RBFOX1: variants seen among roughly 807,000 people sequenced by gnomAD.
RBFOX1 encodes RNA binding protein fox-1 homolog 1.
In RBFOX1, 8 loss-of-function variants were observed where a neutral mutation model predicts 57.7. The ratio of observed to expected loss-of-function variants is 0.14; its 90% CI spans 0.08 to 0.25. The LOEUF (loss-of-function observed/expected upper bound fraction) is 0.25, where lower values mean the gene tolerates loss of function less well. RBFOX1 is among the 10% of genes least tolerant of loss of function. RBFOX1 has a pLI of 1.00. For synonymous variants in RBFOX1, 326 were observed against 222.4 expected (o/e 1.47, Z -4.15); for missense variants, 611 against 548.5 (o/e 1.11, Z -1.14).
intron 1 of RBFOX1, among the ~76,000 whole-genome samples, chr16:5,425,904 C>T (rs1237555394): frequency 4.6e-5 from 7 of 152,154 alleles, no homozygotes; most frequent in African/African-American, 9.7e-5. Context: ...ATGTCTGCAG[C>T]GGTGTGTGCC....
intron 3 of RBFOX1, among the ~76,000 whole-genome samples, chr16:6,663,331 A>C (rs376430443): frequency 4.6e-5 from 7 of 152,208 alleles, no homozygotes; most frequent in African/African-American, 1.7e-4. Flanking sequence ...GGAGTTGATC[A>C]ACACTGACAA....
intron 4 of RBFOX1, among the ~76,000 whole-genome samples, chr16:7,316,985 C>G (rs1046410449): frequency 6.6e-6 from 1 of 150,872 alleles, no homozygotes; most frequent in African/African-American, 2.5e-5. Flanking sequence ...CACACACACA[C>G]AAACACACAC....
chr16:7,050,311 G>T (rs1400622791), intron 3 of RBFOX1, among the ~76,000 whole-genome samples: 1 of 121,214 alleles, frequency 8.2e-6, no homozygotes, highest in East Asian at 2.9e-4. Flanking sequence ...TGTTGCCCAG[G>T]ATGGAGTATA....
At chr16:5,998,266 T>A (rs921278317) in intron 4 of RBFOX1, among the ~76,000 whole-genome samples, 9 of 152,210 alleles carry the variant, frequency 5.9e-5, no homozygotes, top group African/African-American at 2.2e-4. Flanking sequence ...TAGATCTCTT[T>A]GATAGTCTCT....
intron 4 of RBFOX1, among the ~76,000 whole-genome samples, chr16:7,075,392 G>T (rs1223188584): frequency 6.6e-6 from 1 of 152,174 alleles, no homozygotes. Context: ...GTGTTGCCTT[G>T]TAACAGTGTT....
intron 1 of RBFOX1, among the ~76,000 whole-genome samples, chr16:6,061,536 A>G (rs532210906): frequency 6.6e-6 from 1 of 151,622 alleles, no homozygotes; most frequent in Non-Finnish European, 1.5e-5. Context: ...AAAATATATA[A>G]TGTAATTATT....
chr16:6,355,921 A>G (rs969886710), intron 2 of RBFOX1, among the ~76,000 whole-genome samples: 15 of 152,370 alleles, frequency 9.8e-5, no homozygotes, highest in Non-Finnish European at 1.8e-4. Flanking sequence ...CACAAAACAA[A>G]ATGGGTGTAG....
intron 1 of RBFOX1, among the ~76,000 whole-genome samples, chr16:5,340,941 G>A (rs1429136500): frequency 2.6e-5 from 4 of 152,156 alleles, no homozygotes; most frequent in Non-Finnish European, 5.9e-5. Context: ...CTGTAGAAAA[G>A]GGGTTCGGGG....
At chr16:5,560,637 C>A (rs958314303) in intron 2 of RBFOX1, among the ~76,000 whole-genome samples, 4 of 152,122 alleles carry the variant, frequency 2.6e-5, no homozygotes, top group African/African-American at 9.7e-5. Flanking sequence ...AATGATTTTT[C>A]ACCTTATGCT....
intron 3 of RBFOX1, among the ~76,000 whole-genome samples, chr16:6,688,750 T>C (rs148465804): frequency 0.078 from 11,857 of 152,204 alleles, 503 homozygotes; most frequent in African/African-American, 0.087. Context: ...CAACCCATCA[T>C]CTACATTAGG....
intron 3 of RBFOX1, among the ~76,000 whole-genome samples, chr16:6,813,452 G>C (rs994880960): frequency 6.6e-6 from 1 of 152,120 alleles, no homozygotes; most frequent in East Asian, 1.9e-4. Flanking sequence ...GGGGACCCCA[G>C]CTCCTTCTTA....
At chr16:5,390,262 T>C (rs1322227071) in intron 1 of RBFOX1, among the ~76,000 whole-genome samples, 5 of 149,862 alleles carry the variant, frequency 3.3e-5, no homozygotes, top group African/African-American at 9.8e-5. Flanking sequence ...AAATATAGTA[T>C]GTAAATATCG....
chr16:7,415,090 C>T (rs987653545), intron 4 of RBFOX1, among the ~76,000 whole-genome samples: 1 of 152,218 alleles, frequency 6.6e-6, no homozygotes, highest in African/African-American at 2.4e-5. Flanking sequence ...TTTCCAAAGT[C>T]ATTAGCAGTA....
At chr16:7,238,543 C>T (rs989795121) in intron 4 of RBFOX1, among the ~76,000 whole-genome samples, 2 of 152,014 alleles carry the variant, frequency 1.3e-5, no homozygotes, top group Admixed American at 6.6e-5. Flanking sequence ...TACACACGCA[C>T]CTTTAGGAAA....
chr16:5,313,160 C>A (rs57984189), intron 1 of RBFOX1, among the ~76,000 whole-genome samples: 13 of 152,100 alleles, frequency 8.5e-5, no homozygotes, highest in Non-Finnish European at 1.8e-4. Flanking sequence ...AAGGAAAGCC[C>A]GGGCAGGGAT....
chr16:5,486,646 G>C (rs1197414317), intron 2 of RBFOX1, among the ~76,000 whole-genome samples: 2 of 152,132 alleles, frequency 1.3e-5, no homozygotes, highest in Non-Finnish European at 2.9e-5. Flanking sequence ...AGCTTGACTT[G>C]TCCATCAGGT....
chr16:6,017,939 C>G (rs943686010), upstream of RBFOX1, among the ~76,000 whole-genome samples: 2 of 152,132 alleles, frequency 1.3e-5, no homozygotes, highest in African/African-American at 4.8e-5. Flanking sequence ...GGAAAATGAA[C>G]AGGCGCCTCA....
intron 3 of RBFOX1, among the ~76,000 whole-genome samples, chr16:5,808,307 T>C (rs1221075031): frequency 6.6e-6 from 1 of 152,184 alleles, no homozygotes; most frequent in Non-Finnish European, 1.5e-5. Context: ...TGCCATGCTG[T>C]TTTGGTTACT....
At chr16:5,617,517 C>T (rs1349919579) in intron 3 of RBFOX1, among the ~76,000 whole-genome samples, 1 of 152,190 alleles carries the variant, frequency 6.6e-6, no homozygotes, top group Non-Finnish European at 1.5e-5. Flanking sequence ...GTGTCCTGTA[C>T]ACAGTAGCGT....
Sources: gnomAD v4.1 joint callset for allele counts (sites outside exome capture counted in the v4.1 genomes callset) on GRCh38, gnomAD v4.1.1 for gene constraint, MANE v1.5 for transcripts, NCBI Gene and HGNC (gene_info 2026-07-23, HGNC 2026-07-21) for gene names.